The following CFAP251 variants were observed in gnomAD, a reference collection of about 807,000 sequenced individuals.
The protein encoded by CFAP251 is cilia and flagella associated protein 251.
In CFAP251, 93 loss-of-function variants were observed where a neutral mutation model predicts 126.7. The ratio of observed to expected loss-of-function variants is 0.73; its 90% CI spans 0.62 to 0.87. The LOEUF is 0.87. CFAP251 is among the 40% of genes least tolerant of loss of function. CFAP251 has a pLI of 0.00. For synonymous variants in CFAP251, 503 were observed against 506.9 expected (o/e 0.99, Z 0.10); for missense variants, 1,287 against 1,389.2 (o/e 0.93, Z 1.17).
intron 12 of CFAP251, 144 bp from the exon 13 acceptor site, chr12:121,958,799 A>G: frequency 1.9e-6 from 2 of 1,079,096 alleles, no homozygotes; most frequent in Admixed American, 2.8e-5. Context: ...CCAGGAGATC[A>G]CGCGTTTCGG....
intron 4 of CFAP251, chr12:121,932,171 A>C: frequency 4.9e-6 from 1 of 202,716 alleles, no homozygotes; most frequent in Non-Finnish European, 9.8e-6. Context: ...AGCGTAGATC[A>C]TATCTCCACA....
rs1235874502 is a variant in CFAP251, at chr12:122,003,701, A to T, written c.3387A>T (p.Glu1129Asp). Residue 1129 changes from glutamate to aspartate, a missense_variant, in exon 22 of 22, where the codon GAA becomes GAT. Transcript: ENST00000288912. ...AACTTCCAGACGAAATCACTGCAGA[A>T]ATATTCGCGACTGAAATTCTTGGCT... ...EEELPDEITAEIFATEILGLT... is the reference protein window; with the variant it reads ...EEELPDEITADIFATEILGLT... 2 of 1,610,398 alleles carry T rather than the reference A, an allele frequency of 1.2e-6. No individual in the cohort carries two copies. Among genetic ancestry groups the T allele is most frequent in the African/African-American group, 2.7e-5 (2 of 74,744 alleles).
intron 5 of CFAP251, among the ~76,000 whole-genome samples, chr12:121,941,166 G>A (rs1016984828): frequency 1.3e-5 from 2 of 151,854 alleles, no homozygotes; most frequent in Admixed American, 6.6e-5. Flanking sequence ...GAGTAGCTGG[G>A]ATTATAGGTG....
At chr12:121,966,823 A>G in intron 15 of CFAP251, 132 bp from the exon 16 acceptor site, 2 of 691,800 alleles carry the variant, frequency 2.9e-6, no homozygotes, top group Non-Finnish European at 4.9e-6. Flanking sequence ...TGACCTTGTG[A>G]TCCGCCTGCC....
At position 121,951,526 on chromosome 12, in the gene CFAP251, A is replaced by G. The variant is rs1317102856; in HGVS notation, c.1316A>G (p.Glu439Gly). 6 of 1,581,726 alleles carry G rather than the reference A, an allele frequency of 3.8e-6. No individual in the cohort carries two copies. The highest frequency in any genetic ancestry group is 5.2e-6 in the Non-Finnish European group (6 of 1,155,294). ...TLAHSAPLLT[E>G]KTFNKLVGKF... ...GCTCACAGTGCCCCACTTTTAACTG[A>G]AAAAGTGAGTATGCCTATTGCATTT... The change falls in exon 9 of 22, where the codon GAA becomes GGA. Residue 439 changes from glutamate to glycine, a missense_variant. Coordinates refer to ENST00000288912, the MANE Select transcript of CFAP251 (RefSeq NM_144668.6).
At chr12:121,957,349 C>T (rs751893517) in intron 11 of CFAP251, 81 bp downstream of exon 11, 13 of 1,363,540 alleles carry the variant, frequency 9.5e-6, no homozygotes, top group Middle Eastern at 3.8e-4. Flanking sequence ...GTGGGAGGTT[C>T]GTGTTGTTCC....
At position 122,001,605 on chromosome 12, in the gene CFAP251, C is replaced by T. The variant is rs780080665; in HGVS notation, c.3337+7C>T. 1 of 1,612,686 alleles carries T rather than the reference C, an allele frequency of 6.2e-7. No homozygotes were observed. Among genetic ancestry groups the T allele is most frequent in the Non-Finnish European group, 8.5e-7 (1 of 1,178,712 alleles). On this transcript the variant is annotated splice_region_variant and intron_variant, in intron 21 of 21. Transcript: ENST00000288912. ...GCAACCTGCTCCGTCAAAGGTACCC[C>T]AGCTGGCTTTGTCTGGGCATGTAGC...
At chr12:121,995,809 T>C (rs749328046) in intron 19 of CFAP251, among the ~76,000 whole-genome samples, 4 of 152,198 alleles carry the variant, frequency 2.6e-5, no homozygotes, top group Non-Finnish European at 5.9e-5. Flanking sequence ...TGAGAATATG[T>C]GGCATCTCTG....
intron 5 of CFAP251, among the ~76,000 whole-genome samples, chr12:121,939,063 C>G (rs1881002949): frequency 6.6e-6 from 1 of 151,916 alleles, no homozygotes; most frequent in Non-Finnish European, 1.5e-5. Flanking sequence ...AGTCTTCTTT[C>G]TAGAGGTAAT....
intron 10 of CFAP251, among the ~76,000 whole-genome samples, chr12:121,955,459 G>A (rs965932973): frequency 1.3e-5 from 2 of 152,172 alleles, no homozygotes; most frequent in African/African-American, 4.8e-5. Flanking sequence ...TCTGTAAAAT[G>A]GGCATAACAG....
intron 19 of CFAP251, among the ~76,000 whole-genome samples, chr12:121,990,295 C>G (rs1882846939): frequency 6.6e-6 from 1 of 152,170 alleles, no homozygotes; most frequent in Non-Finnish European, 1.5e-5. Flanking sequence ...TCTATACTCT[C>G]CAAACAGCAG....
intron 3 of CFAP251, among the ~76,000 whole-genome samples, chr12:121,929,993 T>C (rs1880614631): frequency 1.2e-5 from 1 of 86,952 alleles, no homozygotes; most frequent in African/African-American, 1.0e-4. Context: ...GATCTTTTTA[T>C]TGTCTCCAAG....
chr12:121,983,646 CG>C (rs1232850261), intron 19 of CFAP251, among the ~76,000 whole-genome samples: 1 of 151,972 alleles, frequency 6.6e-6, no homozygotes, highest in African/African-American at 2.4e-5. Context: ...TATGTTCTCC[CG>C]GCTGACCCCA....
intron 19 of CFAP251, among the ~76,000 whole-genome samples, chr12:121,979,209 GGTACTGTT>G (rs1565920582): frequency 1.3e-5 from 2 of 152,158 alleles, no homozygotes; most frequent in African/African-American, 4.8e-5. Flanking sequence ...AAAATCACCA[GGTACTGTT>G]GTAAGCTCCT....
At chr12:121,921,246 G>A (rs1880157550) in intron 1 of CFAP251, 40 bp from the exon 2 acceptor site, 7 of 1,524,894 alleles carry the variant, frequency 4.6e-6, no homozygotes, top group Non-Finnish European at 5.2e-6. Flanking sequence ...GAAATGGGAA[G>A]CTGAGGGCCA....
chr12:121,958,140 G>T, intron 11 of CFAP251, 132 bp from the exon 12 acceptor site: 1 of 1,330,280 alleles, frequency 7.5e-7, no homozygotes, highest in Non-Finnish European at 1.0e-6. Context: ...GTATATTTTT[G>T]GAAATGTTGG....
At chr12:122,000,164 G>A (rs1358125833) in intron 20 of CFAP251, among the ~76,000 whole-genome samples, 1 of 152,308 alleles carries the variant, frequency 6.6e-6, no homozygotes, top group South Asian at 2.1e-4. Context: ...TGTGATTCGT[G>A]TTGCAACTAC....
chr12:122,003,408 C>CA (rs1236187305), intron 21 of CFAP251, among the ~76,000 whole-genome samples: 2 of 151,918 alleles, frequency 1.3e-5, no homozygotes, highest in African/African-American at 2.4e-5. Context: ...CCCATCTCTA[C>CA]AAAAAAATTT....
chr12:121,974,450 TAA>T lies in CFAP251; in HGVS notation c.2772-793_2772-792del, dbSNP rs1882408799. 6.6e-6 allele frequency among the ~76,000 whole-genome samples: 1 copy of T among 152,166 alleles called. No individual in the cohort carries two copies. The highest frequency in any genetic ancestry group is 1.5e-5 in the Non-Finnish European group (1 of 68,026). On this transcript the variant is annotated intron_variant, in intron 17 of 21. Coordinates refer to ENST00000288912, the MANE Select transcript of CFAP251 (RefSeq NM_144668.6). The surrounding 1 kb of genome is among the most constrained non-coding windows in gnomAD (Gnocchi z 4.6). ...TGGAGGACACTGATGCCAGGGGGGT[TAA>T]GTCACCTCCCCAGAATCACACAGCT...
Sources: allele counts gnomAD v4.1 joint callset (sites outside exome capture counted in the v4.1 genomes callset), GRCh38; gene constraint gnomAD v4.1.1; non-coding constraint Gnocchi (gnomAD v3.1); transcripts MANE v1.5; gene names NCBI Gene and HGNC (gene_info 2026-07-23, HGNC 2026-07-21).